Variants in MYH13 observed in about 807,000 individuals in gnomAD.
The protein encoded by MYH13 is myosin heavy chain 13, also known as myosin-13.
A neutral mutation model predicts 232.1 loss-of-function variants in MYH13; 177 were observed. The ratio of observed to expected loss-of-function variants is 0.76; its 90% CI spans 0.67 to 0.86. MYH13 has a LOEUF of 0.86. Among genes scored for constraint, MYH13 ranks in the 40% least tolerant of loss-of-function variants. The pLI is 0.00. For synonymous variants in MYH13, 884 were observed against 923.5 expected, an observed-to-expected ratio of 0.96 and a Z score of 0.78; for missense variants, 2,246 against 2,405.9, an observed-to-expected ratio of 0.93 and a Z score of 1.39.
intron 1 of MYH13, among the ~76,000 whole-genome samples, chr17:10,372,154 A>C (rs1320145113): frequency 6.6e-6 from 1 of 152,162 alleles, no homozygotes; most frequent in East Asian, 1.9e-4. Flanking sequence ...AAATTCTCAC[A>C]ATTTCTTAAA....
Position 10,368,132 on chromosome 17 carries a change from C to T in MYH13, c.-13+3077G>A, listed in dbSNP as rs541026213. Among the ~76,000 whole-genome samples the T allele has an allele frequency of 1.7e-3, 252 of 152,242 alleles. 1 individual carries two copies. Among genetic ancestry groups the T allele is most frequent in the African/African-American group, 6.0e-3 (249 of 41,542 alleles). ...TTCCAAATGTGGACACATTTTCTTA[C>T]ACAATATTAAAAAAATTACAATCAT... On this transcript the variant is annotated intron_variant, in intron 2 of 40. Transcript: ENST00000252172.
In MYH13 at chr17:10,320,400, T is replaced by G; in HGVS notation, c.3208A>C (p.Ile1070Leu). The G allele has an allele frequency of 1.9e-6, 3 of 1,613,082 alleles. No homozygotes were observed. Among genetic ancestry groups the G allele is most frequent in the Non-Finnish European group, 2.5e-6 (3 of 1,179,458 alleles). ...TGCTTGTCATTTTCTAGATCCATAA[T>G]GGATTCCTGGGACATTTTCAGATCT... is the stretch of plus-strand genomic sequence containing the variant. ...EGDLKMSQES[I>L]MDLENDKQQI... Residue 1070 changes from isoleucine (I) to leucine (L), a missense_variant, in exon 25 of 41, where the codon ATT becomes CTT. Physicochemically the swap from Ile to Leu is conservative, Grantham distance 5 (BLOSUM62 2). Transcript: ENST00000252172.
chr17:10,313,121 C>T (rs375266387), intron 30 of MYH13, 37 bp downstream of exon 30: 50 of 1,613,354 alleles, frequency 3.1e-5, no homozygotes, highest in African/African-American at 2.7e-4. Flanking sequence ...CTTGTGTCCT[C>T]GGGCCCCCTC....
intron 12 of MYH13, among the ~76,000 whole-genome samples, chr17:10,347,712 CTTTT>C (rs71139041): frequency 4.6e-5 from 4 of 86,728 alleles, no homozygotes; most frequent in East Asian, 4.1e-4. Context: ...GGGACTACTT[CTTTT>C]TTTTTTTTTT....
At chr17:10,326,927 C>T (rs2142240992) in intron 22 of MYH13, among the ~76,000 whole-genome samples, 1 of 147,558 alleles carries the variant, frequency 6.8e-6, no homozygotes, top group East Asian at 2.0e-4. Flanking sequence ...GTGATTCTCC[C>T]ACCTCAGCCT....
intron 2 of MYH13, among the ~76,000 whole-genome samples, chr17:10,366,381 G>GGTTTTTTTTTTTT (rs2071837284): frequency 8.9e-6 from 1 of 112,640 alleles, no homozygotes; most frequent in Non-Finnish European, 1.9e-5. Context: ...AAATAAATCT[G>GGTTTTTTTTTTTT]TTTTTTTTTT....
Position 10,345,183 on chromosome 17 carries a change from G to A in MYH13, c.1584+19C>T, listed in dbSNP as rs571458240. 6.8e-5 allele frequency: 109 copies of A among 1,614,056 alleles called. 2 individuals are homozygous for A. The South Asian group carries it at 1.2e-3, about 17-fold the overall frequency. ...CCCCCAATAAGGAGGAGCTGTCCCA[G>A]GCAGCAGTATCTCTCTACCTTCTCG... On this transcript the variant is annotated intron_variant, in intron 15 of 40. Coordinates refer to ENST00000252172, the MANE Select transcript of MYH13 (RefSeq NM_003802.3).
intron 7 of MYH13, 139 bp from the exon 8 acceptor site, chr17:10,357,966 C>A (rs2071762115): frequency 1.6e-6 from 1 of 640,026 alleles, no homozygotes; most frequent in Non-Finnish European, 2.7e-6. Flanking sequence ...AGTGCAGCAC[C>A]CACGCCCCCA....
chr17:10,367,243 A>G (rs912733304), intron 2 of MYH13, among the ~76,000 whole-genome samples: 24 of 152,378 alleles, frequency 1.6e-4, no homozygotes, highest in African/African-American at 5.1e-4. Flanking sequence ...TATGTAAGTC[A>G]TATCTATTGA....
intron 2 of MYH13, among the ~76,000 whole-genome samples, chr17:10,370,284 C>T (rs2071868273): frequency 2.6e-5 from 4 of 152,204 alleles, no homozygotes; most frequent in African/African-American, 7.2e-5. Flanking sequence ...AGATCTTCTC[C>T]CTATATTTGT....
At position 10,313,310 on chromosome 17, in the gene MYH13, G is replaced by T. The variant is rs1031239878; in HGVS notation, c.4029C>A (p.Asp1343Glu). Residue 1343 changes from aspartate to glutamate, a missense_variant, in exon 30 of 41, where the codon GAC (aspartate) becomes GAA (glutamate). Coordinates refer to ENST00000252172, the MANE Select transcript of MYH13 (RefSeq NM_003802.3). The stretch of plus-strand genomic sequence containing the variant: ...CATACTGTTCCCGCAGCAGGTCACA[G>T]TCGTGGCGGGAGGACTGCAGGGCGT... The part of the protein sequence containing the change: ...MAHALQSSRH[D>E]CDLLREQYEE... 11 of 1,614,162 alleles carry T rather than the reference G, an allele frequency of 6.8e-6. No homozygotes were observed. The East Asian group carries it at 2.4e-4, about 36-fold the overall frequency.
chr17:10,330,027 T>C (rs566490137), intron 21 of MYH13, among the ~76,000 whole-genome samples: 1 of 148,452 alleles, frequency 6.7e-6, no homozygotes, highest in South Asian at 2.1e-4. Context: ...AAAAAGAAAG[T>C]GCTTTCTTCT....
At chr17:10,365,625 C>G (rs2142150922) in intron 2 of MYH13, among the ~76,000 whole-genome samples, 1 of 152,280 alleles carries the variant, frequency 6.6e-6, no homozygotes, top group East Asian at 1.9e-4. Flanking sequence ...TCATGCAGGA[C>G]TTCATTAAGA....
chr17:10,368,496 T>C (rs2071854803), intron 2 of MYH13, among the ~76,000 whole-genome samples: 1 of 152,354 alleles, frequency 6.6e-6, no homozygotes, highest in African/African-American at 2.4e-5. Context: ...CATCAAACTT[T>C]GGTGGACTTC....
At chr17:10,311,316 C>G in intron 32 of MYH13, 89 bp from the exon 33 acceptor site, 1 of 1,481,334 alleles carries the variant, frequency 6.8e-7, no homozygotes, top group Non-Finnish European at 9.2e-7. Flanking sequence ...ATGGGCGATT[C>G]ATTCATGACA....
rs757612125 is a variant in MYH13, at chr17:10,311,066, C to T, written c.4656+37G>A. On this transcript the variant is annotated intron_variant, in intron 33 of 40. Coordinates refer to ENST00000252172, the MANE Select transcript of MYH13 (RefSeq NM_003802.3). ...GGGCAGCCTCTTTCAGTTCCCTGTC[C>T]TCCTGAATTTCTGAATGTCATATCC... is the stretch of plus-strand genomic sequence containing the variant. The T allele has an allele frequency of 1.6e-5, 26 of 1,611,790 alleles. No homozygotes were observed. In the South Asian group the frequency reaches 2.4e-4, roughly 15 times the overall value.
At chr17:10,331,991 G>T in intron 20 of MYH13, 108 bp downstream of exon 20, 1 of 1,425,336 alleles carries the variant, frequency 7.0e-7, no homozygotes. Context: ...GACTGGGCAA[G>T]GACGGTCAGG....
rs1431126551 is a variant in MYH13, at chr17:10,306,600, C to T, written c.5325G>A (p.Lys1775=). The change falls in exon 37 of 41, where the codon AAG becomes AAA. Residue 1775 remains lysine, a synonymous_variant. Coordinates refer to ENST00000252172, the MANE Select transcript of MYH13 (RefSeq NM_003802.3). This position sits in a 1 kb window ranked among gnomAD's most constrained non-coding sequence, Gnocchi z 4.3. ...CCAGGTGGGCGCTGGTGTCCTGTTC[C>T]TTCTTTAGCTCCTCAGCCATCATGG... ...DAAMMAEELK[K]EQDTSAHLER... 6.2e-7 allele frequency: 1 copy of T among 1,614,108 alleles called. No individual in the cohort carries two copies. Among genetic ancestry groups the T allele is most frequent in the Admixed American group, 1.7e-5 (1 of 60,012 alleles).
chr17:10,325,941 C>G (rs2065405167), intron 22 of MYH13, among the ~76,000 whole-genome samples: 1 of 152,182 alleles, frequency 6.6e-6, no homozygotes, highest in African/African-American at 2.4e-5. Flanking sequence ...TCCCAAAGTG[C>G]TGGGATTACA....
Sources: gnomAD v4.1 joint callset for allele counts (sites outside exome capture counted in the v4.1 genomes callset) on GRCh38, gnomAD v4.1.1 for gene constraint, Gnocchi (gnomAD v3.1) non-coding constraint, MANE v1.5 for transcripts, NCBI Gene and HGNC (gene_info 2026-07-23, HGNC 2026-07-21) for gene names.